Variants in KIF3C observed in about 807,000 individuals in gnomAD.
KIF3C encodes kinesin-like protein KIF3C.
A neutral mutation model predicts 67.7 loss-of-function variants in KIF3C; 12 were observed. The ratio of observed to expected loss-of-function variants is 0.18; its 90% CI spans 0.11 to 0.29. The LOEUF (loss-of-function observed/expected upper bound fraction) is 0.29. Ranked by LOEUF, KIF3C falls within the 10% of genes least tolerant of loss-of-function variation. KIF3C has a pLI of 1.00. For synonymous variants in KIF3C, 393 were observed against 426.2 expected, an observed-to-expected ratio of 0.92 and a Z score of 0.96; for missense variants, 789 against 1,059.6, an observed-to-expected ratio of 0.74 and a Z score of 3.55.
At chr2:25,929,265 T>C in intron 7 of KIF3C, 40 bp downstream of exon 7, 1 of 1,596,918 alleles carries the variant, frequency 6.3e-7, no homozygotes, top group Non-Finnish European at 8.6e-7. Flanking sequence ...TTCCCCTGCC[T>C]CCTGGGTCCA....
At chr2:25,941,154 C>T (rs575946832) in intron 5 of KIF3C, among the ~76,000 whole-genome samples, 1 of 151,780 alleles carries the variant, frequency 6.6e-6, no homozygotes, top group South Asian at 2.1e-4. Flanking sequence ...AGCAAATTAG[C>T]TGGGTATGGT....
intron 2 of KIF3C, 34 bp downstream of exon 2, chr2:25,956,309 C>T (rs1360385047): frequency 6.6e-7 from 1 of 1,514,682 alleles, no homozygotes; most frequent in Admixed American, 1.7e-5. Flanking sequence ...GCAGGCCACA[C>T]TCTCCAAGGG....
chr2:25,951,940 G>A (rs1170391591), intron 4 of KIF3C, 35 bp from the exon 5 acceptor site: 1 of 1,438,452 alleles, frequency 7.0e-7, no homozygotes, highest in African/African-American at 1.4e-5. Flanking sequence ...TGGGAAAATG[G>A]GTGAGCGAGA....
In KIF3C at chr2:25,937,462, G is replaced by T. The variant is rs995786704; in HGVS notation, c.2007-7399C>A. On this transcript the variant is annotated intron_variant, in intron 5 of 7. Coordinates refer to ENST00000264712, the MANE Select transcript of KIF3C (RefSeq NM_002254.8). The stretch of plus-strand genomic sequence containing the variant: ...CTGCAGCTGAGCTTACAGGATGCCG[G>T]GAGGCGTGCCCGTGAGGAGAGGCAG... Among the ~76,000 whole-genome samples the T allele has an allele frequency of 2.8e-4, 43 of 152,334 alleles. 1 individual carries two copies. Among genetic ancestry groups the T allele is most frequent in the Admixed American group, 2.4e-3 (37 of 15,296 alleles).
chr2:25,959,567 G>A (rs915876394), intron 1 of KIF3C, among the ~76,000 whole-genome samples: 5 of 151,890 alleles, frequency 3.3e-5, no homozygotes, highest in Non-Finnish European at 5.9e-5. Context: ...AGCCTCCCAC[G>A]TAGCTGAGAC....
chr2:25,948,091 G>A (rs192251939), intron 5 of KIF3C, among the ~76,000 whole-genome samples: 12 of 152,222 alleles, frequency 7.9e-5, no homozygotes, highest in African/African-American at 2.6e-4. Flanking sequence ...CCATGGTGGC[G>A]ACTGCCTGCT....
intron 1 of KIF3C, among the ~76,000 whole-genome samples, chr2:25,962,272 A>G (rs1398281827): frequency 6.6e-6 from 1 of 152,226 alleles, no homozygotes; most frequent in Non-Finnish European, 1.5e-5. Context: ...CCTTTCAGAA[A>G]AAAAGAATTG....
chr2:25,929,904 C>A (rs1200220179), intron 6 of KIF3C, 51 bp downstream of exon 6: 2 of 1,316,456 alleles, frequency 1.5e-6, no homozygotes, highest in Admixed American at 1.7e-5. Context: ...GTGTGAGACA[C>A]CTCGCCCGGC....
intron 1 of KIF3C, among the ~76,000 whole-genome samples, chr2:25,978,272 A>G (rs910093902): frequency 6.6e-6 from 1 of 152,142 alleles, no homozygotes; most frequent in Non-Finnish European, 1.5e-5. Context: ...AGTTTTCATA[A>G]CTGTTGAATG....
chr2:25,964,489 C>A (rs897246017), intron 1 of KIF3C, among the ~76,000 whole-genome samples: 1 of 151,928 alleles, frequency 6.6e-6, no homozygotes, highest in African/African-American at 2.4e-5. Context: ...CCATTAGAGA[C>A]GGGGTCTTGC....
In KIF3C at chr2:25,981,696, A is replaced by G. The variant is rs1664599952; in HGVS notation, c.222T>C (p.Tyr74=). The G allele has an allele frequency of 2.5e-6, 4 of 1,613,864 alleles. No homozygotes were observed. The highest frequency in any genetic ancestry group is 1.7e-5 in the Admixed American group (1 of 60,016). ...CTATCAGGGGCCTCACGGTTTCGTC[A>G]TACAGGTCGGCCTGCTTGGAGCTGG... ...YDASSKQADL[Y]DETVRPLIDS... is the part of the protein sequence containing the mutation. The change falls in exon 1 of 8, where the codon TAT becomes TAC. Residue 74 remains tyrosine, a synonymous_variant. Coordinates refer to ENST00000264712, the MANE Select transcript of KIF3C (RefSeq NM_002254.8). The surrounding 1 kb of genome is among the most constrained non-coding windows in gnomAD (Gnocchi z 8.2).
At chr2:25,973,463 A>G (rs1664331492) in intron 1 of KIF3C, among the ~76,000 whole-genome samples, 1 of 151,078 alleles carries the variant, frequency 6.6e-6, no homozygotes, top group Non-Finnish European at 1.5e-5. Context: ...CTGAGGCAGG[A>G]GAATTGCTTG....
At chr2:25,963,495 A>T (rs1413551922) in intron 1 of KIF3C, among the ~76,000 whole-genome samples, 2 of 150,148 alleles carry the variant, frequency 1.3e-5, no homozygotes, top group Admixed American at 6.7e-5. Context: ...TCCCAGCCTA[A>T]TTTTTTGCTT....
At chr2:25,975,947 G>C (rs958605926) in intron 1 of KIF3C, among the ~76,000 whole-genome samples, 2 of 151,834 alleles carry the variant, frequency 1.3e-5, no homozygotes, top group African/African-American at 4.8e-5. Flanking sequence ...GACAGAGTGA[G>C]ACTCCGCCTC....
chr2:25,956,283 C>G, intron 2 of KIF3C, 60 bp downstream of exon 2: 1 of 1,304,312 alleles, frequency 7.7e-7, no homozygotes, highest in South Asian at 1.2e-5. Flanking sequence ...GGCCCTGCAC[C>G]TCCCAGACAT....
intron 5 of KIF3C, among the ~76,000 whole-genome samples, chr2:25,946,111 T>C (rs1412560076): frequency 2.6e-5 from 4 of 151,786 alleles, no homozygotes; most frequent in African/African-American, 9.7e-5. Flanking sequence ...AGATTCCGTA[T>C]CAAAAAATAA....
At position 25,927,724 on chromosome 2, in the gene KIF3C, T is replaced by G. The variant is rs1286701621; in HGVS notation, c.*1254A>C. 1 of 152,206 alleles carries G rather than the reference T, an allele frequency of 6.6e-6. No homozygotes were observed. Among genetic ancestry groups the G allele is most frequent in the Non-Finnish European group, 1.5e-5 (1 of 68,032 alleles). The allele number at this position is 152,206 out of a possible 1,614,324, so 9.4% of individuals were successfully genotyped here. On this transcript the variant is annotated 3_prime_UTR_variant, in exon 8 of 8. Coordinates refer to ENST00000264712, the MANE Select transcript of KIF3C (RefSeq NM_002254.8). ...TCACTCGCTTGCTTTCGTTATGACC[T>G]CTTCACCCGTCCTCCAAAATATACA...
At chr2:25,978,897 C>T (rs2149245016) in intron 1 of KIF3C, among the ~76,000 whole-genome samples, 1 of 152,242 alleles carries the variant, frequency 6.6e-6, no homozygotes, top group South Asian at 2.1e-4. Flanking sequence ...AGGTTCCAGG[C>T]CCCTGATCCT....
rs535783619 is a variant in KIF3C, at chr2:25,973,739, G to T, written c.1545+6634C>A. On this transcript the variant is annotated intron_variant, in intron 1 of 7. Coordinates refer to ENST00000264712, the MANE Select transcript of KIF3C (RefSeq NM_002254.8). Reference sequence around the variant, plus strand: ...CCTGCTTCCATAATTCGTACTCCCTGGTTACCAGCAACAATCCAGGACACA... The same window carrying T: ...CCTGCTTCCATAATTCGTACTCCCTTGTTACCAGCAACAATCCAGGACACA... 1.3e-4 allele frequency among the ~76,000 whole-genome samples: 20 copies of T among 152,160 alleles called. No individual in the cohort carries two copies. The South Asian group carries it at 3.3e-3, about 25-fold the overall frequency.
Sources: allele counts gnomAD v4.1 joint callset (sites outside exome capture counted in the v4.1 genomes callset), GRCh38; gene constraint gnomAD v4.1.1; non-coding constraint Gnocchi (gnomAD v3.1); transcripts MANE v1.5; gene names NCBI Gene and HGNC (gene_info 2026-07-23, HGNC 2026-07-21).